Variants in USP34 observed in about 807,000 individuals in gnomAD.
USP34 encodes ubiquitin carboxyl-terminal hydrolase 34.
Under a neutral mutation model 460.3 loss-of-function variants are expected in USP34, and 70 were observed. That is an observed-to-expected ratio of 0.15 (90% confidence interval 0.13 to 0.19). The LOEUF (loss-of-function observed/expected upper bound fraction) is 0.19, where lower values mean the gene tolerates loss of function less well. Among genes scored for constraint, USP34 ranks in the 10% least tolerant of loss-of-function variants. The pLI, the probability that USP34 is intolerant of heterozygous loss-of-function variation, is 1.00. For missense variants in USP34, 3,985 were observed against 4,236.2 expected, an observed-to-expected ratio of 0.94 and a Z score of 1.65; for synonymous variants, 1,647 against 1,405.3, an observed-to-expected ratio of 1.17 and a Z score of -3.85.
chr2:61,242,104 A>T (rs1688279814), intron 51 of USP34, among the ~76,000 whole-genome samples: 1 of 152,198 alleles, frequency 6.6e-6, no homozygotes, highest in Non-Finnish European at 1.5e-5. Flanking sequence ...AAATGATGAC[A>T]GTGAGGCAAG....
chr2:61,419,924 A>C (rs867742725), intron 2 of USP34, among the ~76,000 whole-genome samples: 1 of 152,248 alleles, frequency 6.6e-6, no homozygotes, highest in Non-Finnish European at 1.5e-5. Context: ...ATGTTTACAT[A>C]AATAAAATCT....
rs561483619 is a variant in USP34 at position 61,416,963 on chromosome 2, G to C, written c.131+3783C>G. 6.3e-6 allele frequency: 8 copies of C among 1,279,258 alleles called. No homozygotes were observed. In the African/African-American group the frequency reaches 1.0e-4, roughly 16 times the overall value. 79.2% of individuals were successfully genotyped at this position (1,279,258 alleles called of 1,614,324 possible). On this transcript the variant is annotated intron_variant, in intron 2 of 79. Transcript: ENST00000398571. ...ACCCCACAGCCATCTGGGATGAGCCGCTTCTCAGCCACCATATCTTCAAAT... is the reference window on the plus strand; with the variant it reads ...ACCCCACAGCCATCTGGGATGAGCCCCTTCTCAGCCACCATATCTTCAAAT...
rs1376238491 is a variant in USP34, at chr2:61,204,515, G to A, written c.9241C>T (p.His3081Tyr). The A allele has an allele frequency of 1.2e-6, 2 of 1,613,986 alleles. No homozygotes were observed. The highest frequency in any genetic ancestry group is 2.2e-5 in the South Asian group (2 of 91,068). Residue 3081 changes from histidine to tyrosine, a missense_variant, in exon 73 of 80, where the codon CAT becomes TAT. His to Tyr is a moderately conservative substitution (Grantham distance 83). This residue lies in a region of USP34 where 275 missense variants were observed against 292.7 expected (regional missense o/e 0.94). Transcript: ENST00000398571. ...PFLQHNHCTY[H>Y]HSNIPMSLGP... ...TACGTACTTGGTATATTACTGTGATGGTAAGTACAATGGTTGTGTTGTAGA... is the reference window on the plus strand; with the variant it reads ...TACGTACTTGGTATATTACTGTGATAGTAAGTACAATGGTTGTGTTGTAGA...
At chr2:61,345,759 C>T (rs1348788835) in intron 15 of USP34, among the ~76,000 whole-genome samples, 1 of 152,112 alleles carries the variant, frequency 6.6e-6, no homozygotes, top group African/African-American at 2.4e-5. Context: ...CTCAGCCTCC[C>T]AATTATCTAG....
intron 33 of USP34, among the ~76,000 whole-genome samples, chr2:61,291,396 A>AT (rs1178555872): frequency 3.3e-5 from 5 of 152,194 alleles, no homozygotes; most frequent in African/African-American, 1.2e-4. Flanking sequence ...TTCCTCAAAA[A>AT]GTTAGAAGTT....
At chr2:61,311,230 A>T (rs1690582160) in intron 27 of USP34, among the ~76,000 whole-genome samples, 1 of 152,108 alleles carries the variant, frequency 6.6e-6, no homozygotes, top group East Asian at 1.9e-4. Context: ...TGATGGAGGG[A>T]GTCTGTTCAT....
chr2:61,214,271 A>C lies in USP34; in HGVS notation c.8471T>G (p.Val2824Gly). 2 of 1,614,220 alleles carry C rather than the reference A, an allele frequency of 1.2e-6. No homozygotes were observed. Among genetic ancestry groups the C allele is most frequent in the Non-Finnish European group, 1.7e-6 (2 of 1,180,042 alleles). Residue 2824 changes from valine (V) to glycine (G), a missense_variant, in exon 68 of 80, where the codon GTG becomes GGG. Around this residue, in one of 14 missense-constraint regions of USP34, gnomAD observed 66 missense variants for 121.2 expected, o/e 0.54. Transcript: ENST00000398571. ...ATTGAAGGCAATGTTCTTGGTTACC[A>C]CTGGGTTCTGAACAATAAGGCGGAT... ...ENIRLIVQNP[V>G]VTKNIAFNYI...
Position 61,248,519 on chromosome 2 carries a change from C to T in USP34, c.6386G>A (p.Arg2129Lys), listed in dbSNP as rs769009255. 6.4e-7 allele frequency: 1 copy of T among 1,555,960 alleles called. No individual in the cohort carries two copies. Among genetic ancestry groups the T allele is most frequent in the Non-Finnish European group, 8.7e-7 (1 of 1,146,102 alleles). ...TEDFLMGKSE[R>K]KEGFKEVSDH... ...AGAAATGAAAAAATCACCTTCTTTC[C>T]TCTCACTCTTTCCCATAAGAAAATC... is the stretch of plus-strand genomic sequence containing the variant. The change falls in exon 49 of 80, where the codon AGG becomes AAG. Residue 2129 changes from arginine to lysine, a missense_variant. Arg to Lys is a conservative substitution (Grantham distance 26). Around this residue, in one of 14 missense-constraint regions of USP34, gnomAD observed 70 missense variants for 78.1 expected, o/e 0.90. Coordinates refer to ENST00000398571, the MANE Select transcript of USP34 (RefSeq NM_014709.4).
Position 61,229,011 on chromosome 2 carries a change from A to G in USP34, c.7200-16T>C, listed in dbSNP as rs990919748. The G allele has an allele frequency of 5.9e-6, 9 of 1,534,164 alleles. No homozygotes were observed. The highest frequency in any genetic ancestry group is 7.9e-6 in the Non-Finnish European group (9 of 1,138,048). On this transcript the variant is annotated splice_polypyrimidine_tract_variant and intron_variant, in intron 59 of 79. Transcript: ENST00000398571. ...ATCATCTGACCTAAGAGACAATTAA[A>G]TAGATCTTAGAGAATGTATGAGGTC...
chr2:61,304,369 G>C (rs1361738689), intron 27 of USP34, among the ~76,000 whole-genome samples: 1 of 152,140 alleles, frequency 6.6e-6, no homozygotes, highest in Non-Finnish European at 1.5e-5. Context: ...TAGCATACTG[G>C]CCTGTATTTG....
At chr2:61,364,567 T>C (rs1440044878) in intron 10 of USP34, among the ~76,000 whole-genome samples, 1 of 152,220 alleles carries the variant, frequency 6.6e-6, no homozygotes, top group African/African-American at 2.4e-5. Flanking sequence ...GTAAATTTTA[T>C]GTTATACATA....
chr2:61,293,435 A>G (rs776194182), intron 33 of USP34, 29 bp downstream of exon 33: 6 of 1,557,008 alleles, frequency 3.9e-6, no homozygotes, highest in Non-Finnish European at 5.3e-6. Context: ...AACTACTGTA[A>G]CTAGTTGAAA....
At chr2:61,401,871 T>A (rs1253016964) in intron 3 of USP34, among the ~76,000 whole-genome samples, 1 of 151,326 alleles carries the variant, frequency 6.6e-6, no homozygotes, top group Non-Finnish European at 1.5e-5. Flanking sequence ...TTTTATAATC[T>A]TTTTCCCTAT....
At position 61,313,844 on chromosome 2, in the gene USP34, T is replaced by C. The variant is rs143563490; in HGVS notation, c.3542+741A>G. 3.8e-3 allele frequency among the ~76,000 whole-genome samples: 582 copies of C among 152,210 alleles called. 2 individuals are homozygous for C. Among genetic ancestry groups the C allele is most frequent in the African/African-American group, 0.012 (508 of 41,578 alleles). On this transcript the variant is annotated intron_variant, in intron 25 of 79. Transcript: ENST00000398571. ...GCAATCTTTCTTGATATTTTAAAAA[T>C]GTCAATAAATATCACTTGTATCACT... is the stretch of plus-strand genomic sequence containing the variant.
At chr2:61,468,568 GAAAC>G (rs1277910958) in intron 1 of USP34, among the ~76,000 whole-genome samples, 1 of 152,184 alleles carries the variant, frequency 6.6e-6, no homozygotes, top group African/African-American at 2.4e-5. Flanking sequence ...GCAATATTAA[GAAAC>G]TAAGTATTTT....
chr2:61,244,312 T>C (rs1273785676), intron 51 of USP34, among the ~76,000 whole-genome samples: 3 of 152,150 alleles, frequency 2.0e-5, no homozygotes, highest in African/African-American at 7.2e-5. Context: ...CCAACCCAAA[T>C]GTCTTTTCAA....
At chr2:61,394,596 G>C (rs1693459479) in intron 5 of USP34, among the ~76,000 whole-genome samples, 1 of 150,094 alleles carries the variant, frequency 6.7e-6, no homozygotes, top group Admixed American at 6.6e-5. Context: ...GTTTTATGCA[G>C]TCACCTATCT....
chr2:61,222,978 T>C (rs577348042), intron 64 of USP34, 82 bp downstream of exon 64: 10 of 1,240,442 alleles, frequency 8.1e-6, no homozygotes, highest in Admixed American at 6.9e-5. Context: ...ATTACAGGCA[T>C]GAGCCACCGC....
chr2:61,323,230 G>T (rs1690980402), intron 21 of USP34, among the ~76,000 whole-genome samples: 1 of 152,126 alleles, frequency 6.6e-6, no homozygotes, highest in South Asian at 2.1e-4. Context: ...TTAAAAATTA[G>T]GCTGGGCGCA....
Sources: gnomAD v4.1 joint callset for allele counts (sites outside exome capture counted in the v4.1 genomes callset) on GRCh38, gnomAD v4.1.1 for gene constraint, gnomAD v4.1.1 regional missense constraint, MANE v1.5 for transcripts, NCBI Gene and HGNC (gene_info 2026-07-23, HGNC 2026-07-21) for gene names.